Variants in ENTREP2 observed in about 807,000 individuals in gnomAD.
ENTREP2 encodes endosomal transmembrane epsin interactor 2.
chr15:29,549,040 A>C, the ENTREP2 span, among the ~76,000 whole-genome samples: 3 of 152,206 alleles, frequency 2.0e-5, no homozygotes, highest in African/African-American at 7.2e-5. Flanking sequence ...AACTGCAGGC[A>C]GCAGGACAAC....
chr15:29,410,543 G>A, the ENTREP2 span, among the ~76,000 whole-genome samples: 4 of 152,022 alleles, frequency 2.6e-5, no homozygotes, highest in Admixed American at 1.3e-4. Context: ...ATCACCCGCC[G>A]TAGCCAACTG....
chr15:29,404,588 CGTTAG>C, the ENTREP2 span, among the ~76,000 whole-genome samples: 1 of 151,890 alleles, frequency 6.6e-6, no homozygotes. Context: ...CCCAGCTGCT[CGTTAG>C]TAAGGGCTCC....
the ENTREP2 span, among the ~76,000 whole-genome samples, chr15:29,480,814 C>T: frequency 1.3e-5 from 2 of 152,252 alleles, no homozygotes; most frequent in East Asian, 1.9e-4. Flanking sequence ...GAAAACCTCA[C>T]GGCTGCAGTT....
At chr15:29,279,314 C>T in the ENTREP2 span, among the ~76,000 whole-genome samples, 1 of 151,920 alleles carries the variant, frequency 6.6e-6, no homozygotes, top group African/African-American at 2.4e-5. Flanking sequence ...GGGTCCCTTC[C>T]ATCTCCATAT....
At chr15:29,650,610 A>AC in the ENTREP2 span, among the ~76,000 whole-genome samples, 1 of 145,056 alleles carries the variant, frequency 6.9e-6, no homozygotes, top group Non-Finnish European at 1.5e-5. Flanking sequence ...ACAAAAAACA[A>AC]AAAAAAAAAA....
the ENTREP2 span, among the ~76,000 whole-genome samples, chr15:29,414,773 G>T: frequency 0.36 from 54,634 of 151,830 alleles, 10,998 homozygotes; most frequent in African/African-American, 0.54. Context: ...AAGAAGAAAA[G>T]AGAGAAGAAT....
chr15:29,375,980 C>A, the ENTREP2 span: 1 of 152,072 alleles, frequency 6.6e-6, no homozygotes, highest in African/African-American at 2.4e-5. Flanking sequence ...AAAGCCAGAT[C>A]CCTCAAACAA....
the ENTREP2 span, among the ~76,000 whole-genome samples, chr15:29,383,669 G>C: frequency 6.6e-6 from 1 of 152,148 alleles, no homozygotes; most frequent in Non-Finnish European, 1.5e-5. Flanking sequence ...ACAGACTGCA[G>C]TTCACCCTCA....
the ENTREP2 span, among the ~76,000 whole-genome samples, chr15:29,565,765 C>T: frequency 6.6e-6 from 1 of 151,960 alleles, no homozygotes; most frequent in Non-Finnish European, 1.5e-5. Flanking sequence ...AGATAGAGAC[C>T]ATCCTGGCTA....
At chr15:29,353,290 A>C in the ENTREP2 span, among the ~76,000 whole-genome samples, 3 of 152,092 alleles carry the variant, frequency 2.0e-5, no homozygotes, top group Admixed American at 2.0e-4. Context: ...AAAAGATGGG[A>C]CTAAGTGCTG....
chr15:29,616,402 C>T, the ENTREP2 span, among the ~76,000 whole-genome samples: 1 of 152,122 alleles, frequency 6.6e-6, no homozygotes, highest in African/African-American at 2.4e-5. Flanking sequence ...TCAGAGGGCT[C>T]ACCACTCCAC....
the ENTREP2 span, chr15:29,128,883 A>T: frequency 6.5e-7 from 1 of 1,542,336 alleles, no homozygotes; most frequent in Admixed American, 2.0e-5. Flanking sequence ...AGAAACAGAA[A>T]GCGTCAAGGC....
the ENTREP2 span, among the ~76,000 whole-genome samples, chr15:29,537,557 T>C: frequency 6.6e-6 from 1 of 152,166 alleles, no homozygotes; most frequent in African/African-American, 2.4e-5. Flanking sequence ...CTCAAACCCT[T>C]GGCCTGGCCC....
the ENTREP2 span, among the ~76,000 whole-genome samples, chr15:29,627,453 G>A: frequency 6.6e-6 from 1 of 150,792 alleles, no homozygotes; most frequent in South Asian, 2.1e-4. Context: ...TGAGGCAGGA[G>A]AATTGCTTGA....
At chr15:29,350,886 G>A in the ENTREP2 span, among the ~76,000 whole-genome samples, 1 of 152,166 alleles carries the variant, frequency 6.6e-6, no homozygotes, top group Non-Finnish European at 1.5e-5. Context: ...AGGCTGCAGT[G>A]AGCCAAGATC....
the ENTREP2 span, among the ~76,000 whole-genome samples, chr15:29,618,248 C>A: frequency 1.3e-5 from 2 of 151,912 alleles, no homozygotes; most frequent in Non-Finnish European, 2.9e-5. Flanking sequence ...ATAGTGAAAC[C>A]CCGTCTCTAC....
At chr15:29,388,857 C>T in the ENTREP2 span, among the ~76,000 whole-genome samples, 3 of 150,860 alleles carry the variant, frequency 2.0e-5, no homozygotes, top group African/African-American at 7.3e-5. Context: ...AGCAAACTAT[C>T]GCAAGGACAA....
At chr15:29,656,248 C>G in the ENTREP2 span, among the ~76,000 whole-genome samples, 1 of 149,068 alleles carries the variant, frequency 6.7e-6, no homozygotes, top group East Asian at 2.0e-4. Context: ...TTTTTTGAGA[C>G]AGAGTCTCAC....
chr15:29,250,769 T>C, the ENTREP2 span, among the ~76,000 whole-genome samples: 1 of 152,164 alleles, frequency 6.6e-6, no homozygotes, highest in East Asian at 1.9e-4. Flanking sequence ...CTGGCCAAGT[T>C]ATGAATACAA....
Sources: gnomAD v4.1 joint callset for allele counts (sites outside exome capture counted in the v4.1 genomes callset) on GRCh38, gnomAD v4.1.1 for gene constraint, MANE v1.5 for transcripts, NCBI Gene and HGNC (gene_info 2026-07-23, HGNC 2026-07-21) for gene names.